NOTCH1: variants seen among roughly 807,000 people sequenced by gnomAD.
NOTCH1 encodes notch receptor 1.
NOTCH1 carries 37 observed loss-of-function variants against 254.8 expected under a neutral mutation model. The ratio of observed to expected loss-of-function variants is 0.15; its 90% CI spans 0.11 to 0.19. The LOEUF is 0.19. Ranked by LOEUF, NOTCH1 falls within the 10% of genes least tolerant of loss-of-function variation. The probability of loss-of-function intolerance (pLI) is 1.00; values close to 1 mark genes in which losing one functional copy is unlikely to be tolerated. For missense variants in NOTCH1, 2,972 were observed against 3,708.6 expected (o/e 0.80, Z 5.16); for synonymous variants, 1,731 against 1,618.1 (o/e 1.07, Z -1.68).
At chr9:136,536,374 C>G (rs1038730610) in intron 2 of NOTCH1, among the ~76,000 whole-genome samples, 1 of 152,184 alleles carries the variant, frequency 6.6e-6, no homozygotes, top group African/African-American at 2.4e-5. Context: ...TCCTGTCACA[C>G]GGGCCTGGAT....
chr9:136,514,372 G>A lies in NOTCH1; in HGVS notation c.2207+138C>T, dbSNP rs944521678. 4 of 904,812 alleles carry A rather than the reference G, an allele frequency of 4.4e-6. No homozygotes were observed. In the East Asian group the frequency reaches 1.1e-4, roughly 24 times the overall value. 56.0% of individuals were successfully genotyped at this position (904,812 alleles called of 1,614,324 possible). A position where few individuals can be genotyped will look rare whatever the true frequency, so the allele number is the denominator to read the frequency against. On this transcript the variant is annotated intron_variant, in intron 13 of 33. Coordinates refer to ENST00000651671, the MANE Select transcript of NOTCH1 (RefSeq NM_017617.5). ...GACCCAGAGGCATGTGCGTCCCCGAGGGGAGCTCCCTGCCACCCAGCCCCG... is the reference window on the plus strand; with the variant it reads ...GACCCAGAGGCATGTGCGTCCCCGAAGGGAGCTCCCTGCCACCCAGCCCCG...
rs998965244 is a variant in NOTCH1 at position 136,495,529 on chromosome 9, C to G, written c.*542G>C. 5 of 399,374 alleles carry G rather than the reference C, an allele frequency of 1.3e-5. No individual in the cohort carries two copies. The highest frequency in any genetic ancestry group is 4.1e-5 in the African/African-American group (2 of 48,622). The allele number at this position is 399,374 out of a possible 1,614,324, so 24.7% of individuals were successfully genotyped here. On this transcript the variant is annotated 3_prime_UTR_variant, in exon 34 of 34. Transcript: ENST00000651671. The stretch of plus-strand genomic sequence containing the variant: ...GCGGAAGGTGAGCCAGCTTTGCCTC[C>G]GTTTGCCTCTGGATGCAGCTTCTCC...
chr9:136,526,809 T>C (rs1843467526), intron 2 of NOTCH1, among the ~76,000 whole-genome samples: 1 of 152,136 alleles, frequency 6.6e-6, no homozygotes, highest in Non-Finnish European at 1.5e-5. Context: ...AAATCAGGCG[T>C]CGGTGCTCGG....
chr9:136,530,797 G>C (rs1053844190), intron 2 of NOTCH1, among the ~76,000 whole-genome samples: 3 of 152,240 alleles, frequency 2.0e-5, no homozygotes, highest in Non-Finnish European at 2.9e-5. Flanking sequence ...CTCCCAAGAA[G>C]ACCCAGCCCA....
At chr9:136,533,399 CTGTG>C (rs1272065052) in intron 2 of NOTCH1, among the ~76,000 whole-genome samples, 2 of 152,384 alleles carry the variant, frequency 1.3e-5, no homozygotes, top group South Asian at 2.1e-4. Flanking sequence ...TTTCCAGTAA[CTGTG>C]TGTTTCCGCT....
chr9:136,518,492 T>C (rs1473485030), intron 6 of NOTCH1, 99 bp downstream of exon 6: 8 of 1,221,774 alleles, frequency 6.5e-6, no homozygotes, highest in Non-Finnish European at 9.4e-6. Context: ...TTTCAGGTTA[T>C]CCTGGGTGCA....
rs1843082234 is a variant in NOTCH1, at chr9:136,506,221, A to G, written c.4014+306T>C. 6.6e-6 allele frequency among the ~76,000 whole-genome samples: 1 copy of G among 152,096 alleles called. No individual in the cohort carries two copies. The highest frequency in any genetic ancestry group is 1.5e-5 in the Non-Finnish European group (1 of 68,004). On this transcript the variant is annotated intron_variant, in intron 24 of 33. Transcript: ENST00000651671. The surrounding 1 kb of genome is among the most constrained non-coding windows in gnomAD (Gnocchi z 4.5). ...GCCAAGGGCAAGCCCCAGGTACAGG[A>G]AGGGCTGCTGTTGGTAACAATGTAT...
Position 136,545,440 on chromosome 9 carries a change from G to A in NOTCH1, c.61+286C>T, listed in dbSNP as rs1843801177. On this transcript the variant is annotated intron_variant, in intron 1 of 33. Transcript: ENST00000651671. The surrounding 1 kb of genome is among the most constrained non-coding windows in gnomAD (Gnocchi z 6.8). ...CAAGCCCCACGCGCGGCGGGTGAAGGGCGGGCCCGGAGTAGGGCCTCCGGG... is the reference window on the plus strand; with the variant it reads ...CAAGCCCCACGCGCGGCGGGTGAAGAGCGGGCCCGGAGTAGGGCCTCCGGG... Among the ~76,000 whole-genome samples, 1 of 151,400 alleles carries A rather than the reference G, an allele frequency of 6.6e-6. No homozygotes were observed. Among genetic ancestry groups the A allele is most frequent in the Non-Finnish European group, 1.5e-5 (1 of 67,758 alleles).
At chr9:136,526,241 G>A (rs1345498252) in intron 2 of NOTCH1, among the ~76,000 whole-genome samples, 2 of 152,270 alleles carry the variant, frequency 1.3e-5, no homozygotes, top group Non-Finnish European at 1.5e-5. Flanking sequence ...CACAGGCTGG[G>A]CTGGGCTGGG....
At position 136,513,580 on chromosome 9, in the gene NOTCH1, G is replaced by C; in HGVS notation, c.2208-43C>G. ...CTGCAGGTCGAGGGAGGCCCGAGCA[G>C]CACGGCCGGGGCCTGGGCACTCCCG... On this transcript the variant is annotated intron_variant, in intron 13 of 33. Coordinates refer to ENST00000651671, the MANE Select transcript of NOTCH1 (RefSeq NM_017617.5). This position sits in a 1 kb window ranked among gnomAD's most constrained non-coding sequence, Gnocchi z 4.7. 2 of 1,610,138 alleles carry C rather than the reference G, an allele frequency of 1.2e-6. No homozygotes were observed. Among genetic ancestry groups the C allele is most frequent in the East Asian group, 2.2e-5 (1 of 44,806 alleles).
intron 17 of NOTCH1, 49 bp from the exon 18 acceptor site, chr9:136,510,010 C>A (rs372352512): frequency 6.4e-7 from 1 of 1,554,680 alleles, no homozygotes; most frequent in Non-Finnish European, 8.8e-7. Flanking sequence ...CAAACCCACA[C>A]CTGCGGGAGG....
chr9:136,506,377 T>C lies in NOTCH1; in HGVS notation c.4014+150A>G, dbSNP rs1476985434. The C allele has an allele frequency of 4.6e-6, 3 of 652,756 alleles. No homozygotes were observed. The highest frequency in any genetic ancestry group is 7.7e-6 in the Non-Finnish European group (3 of 388,958). The allele number at this position is 652,756 out of a possible 1,614,324, so 40.4% of individuals were successfully genotyped here. A position where few individuals can be genotyped will look rare whatever the true frequency, so the allele number is the denominator to read the frequency against. ...CTAAAATGTCTCTAAAATCATTTAT[T>C]GAAACTAAAAAAAAAAAAAAGACAT... On this transcript the variant is annotated intron_variant, in intron 24 of 33. Transcript: ENST00000651671. The surrounding 1 kb of genome is among the most constrained non-coding windows in gnomAD (Gnocchi z 4.5).
Position 136,509,062 on chromosome 9 carries a change from G to A in NOTCH1, c.2979C>T (p.Phe993=). 1 of 1,557,354 alleles carries A rather than the reference G, an allele frequency of 6.4e-7. No homozygotes were observed. The highest frequency in any genetic ancestry group is 8.7e-7 in the Non-Finnish European group (1 of 1,151,384). The part of the protein sequence containing the change: ...NTPDCTESSC[F]NGGTCVDGIN... ...TGCCGTCCACGCAGGTGCCACCGTT[G>A]AAGCAGGAGCTGCAAGGGGGTGGGC... The change falls in exon 19 of 34, where the codon TTC becomes TTT. Residue 993 remains phenylalanine, a synonymous_variant. Coordinates refer to ENST00000651671, the MANE Select transcript of NOTCH1 (RefSeq NM_017617.5).
At position 136,496,893 on chromosome 9, in the gene NOTCH1, G is replaced by A. The variant is rs1487652082; in HGVS notation, c.6846C>T (p.Thr2282=). The change falls in exon 34 of 34, where the codon ACC becomes ACT. Residue 2282 remains threonine, a synonymous_variant. Transcript: ENST00000651671. ...RLSHLPVASG[T]STVLGSSSGG... is the part of the protein sequence containing the mutation. ...CGCTGCTGGAGCCCAGGACGGTGCT[G>A]GTGCCAGAGGCCACAGGCAGGTGGG... is the stretch of plus-strand genomic sequence containing the variant. 3 of 1,612,844 alleles carry A rather than the reference G, an allele frequency of 1.9e-6. No individual in the cohort carries two copies. Among genetic ancestry groups the A allele is most frequent in the South Asian group, 1.1e-5 (1 of 91,088 alleles).
At chr9:136,533,319 C>G (rs966602758) in intron 2 of NOTCH1, among the ~76,000 whole-genome samples, 44 of 44,914 alleles carry the variant, frequency 9.8e-4, no homozygotes, top group African/African-American at 1.3e-3. Context: ...TGAGCTCAAG[C>G]ATCTCTTACT....
chr9:136,497,012 C>T lies in NOTCH1; in HGVS notation c.6727G>A (p.Gly2243Ser), dbSNP rs61751491. The T allele has an allele frequency of 3.4e-5, 55 of 1,609,820 alleles. No homozygotes were observed. The highest frequency in any genetic ancestry group is 4.2e-5 in the Non-Finnish European group (50 of 1,178,622). The part of the protein sequence containing the change: ...HLPGMPDTHL[G>S]IGHLNVAAKP... ...GCCGCCACGTTCAGGTGCCCGATGCCCAGGTGGGTGTCGGGCATCCCAGGC... is the reference window on the plus strand; with the variant it reads ...GCCGCCACGTTCAGGTGCCCGATGCTCAGGTGGGTGTCGGGCATCCCAGGC... The change falls in exon 34 of 34, where the codon GGC becomes AGC. Residue 2243 changes from glycine to serine, a missense_variant. Transcript: ENST00000651671.
Position 136,503,020 on chromosome 9 carries a change from C to T in NOTCH1, c.5167+162G>A, listed in dbSNP as rs587777958. 9.8e-6 allele frequency: 10 copies of T among 1,024,538 alleles called. No homozygotes were observed. The highest frequency in any genetic ancestry group is 2.7e-5 in the South Asian group (2 of 73,550). 63.5% of individuals were successfully genotyped at this position (1,024,538 alleles called of 1,614,324 possible). On this transcript the variant is annotated intron_variant, in intron 27 of 33. Coordinates refer to ENST00000651671, the MANE Select transcript of NOTCH1 (RefSeq NM_017617.5). ...CAGCTGTGACCGCCGCAGGTGGGGG[C>T]GGAGTGCCATTCAGAAAATTCCAGA...
chr9:136,500,402 A>G (rs1589055268), intron 31 of NOTCH1, 150 bp downstream of exon 31: 1 of 956,950 alleles, frequency 1.0e-6, no homozygotes, highest in Admixed American at 2.1e-5. Flanking sequence ...CACCTCGCTG[A>G]CTGCGAAGGT....
At chr9:136,514,835 C>T (rs1843237369) in intron 12 of NOTCH1, 133 bp from the exon 13 acceptor site, 1 of 974,816 alleles carries the variant, frequency 1.0e-6, no homozygotes, top group Admixed American at 2.0e-5. Context: ...CAGAAACCAT[C>T]TTGGATCACA....
Sources: gnomAD v4.1 joint callset for allele counts (sites outside exome capture counted in the v4.1 genomes callset) on GRCh38, gnomAD v4.1.1 for gene constraint, Gnocchi (gnomAD v3.1) non-coding constraint, MANE v1.5 for transcripts, NCBI Gene and HGNC (gene_info 2026-07-23, HGNC 2026-07-21) for gene names.